CNTNAP2: variants seen among roughly 807,000 people sequenced by gnomAD.
CNTNAP2 encodes the protein contactin-associated protein-like 2.
In CNTNAP2, 98 loss-of-function variants were observed where a neutral mutation model predicts 155.2. That is an observed-to-expected ratio of 0.63 (90% CI 0.54 to 0.75). CNTNAP2 has a LOEUF of 0.75. Ranked by LOEUF, CNTNAP2 falls within the 30% of genes least tolerant of loss-of-function variation. CNTNAP2 has a pLI of 0.00. For synonymous variants in CNTNAP2, 651 were observed against 631.2 expected, an observed-to-expected ratio of 1.03 and a Z score of -0.47; for missense variants, 1,727 against 1,688.1, an observed-to-expected ratio of 1.02 and a Z score of -0.40.
At chr7:147,058,354 A>G (rs1362277957) in intron 4 of CNTNAP2, among the ~76,000 whole-genome samples, 2 of 152,180 alleles carry the variant, frequency 1.3e-5, no homozygotes, top group Non-Finnish European at 2.9e-5. Flanking sequence ...GTATTCTCTA[A>G]TATTCTATTA....
chr7:147,118,995 C>T (rs1418376926), intron 5 of CNTNAP2, among the ~76,000 whole-genome samples: 1 of 151,982 alleles, frequency 6.6e-6, no homozygotes, highest in Non-Finnish European at 1.5e-5. Flanking sequence ...GGGAAAATAG[C>T]CTGAAATTAT....
intron 1 of CNTNAP2, among the ~76,000 whole-genome samples, chr7:146,235,144 T>C (rs1799450736): frequency 6.6e-6 from 1 of 151,860 alleles, no homozygotes; most frequent in Non-Finnish European, 1.5e-5. Flanking sequence ...TCTTAAGATA[T>C]CAGAGATAAA....
At chr7:147,933,730 G>A (rs1264998211) in intron 14 of CNTNAP2, among the ~76,000 whole-genome samples, 4 of 152,132 alleles carry the variant, frequency 2.6e-5, no homozygotes, top group Middle Eastern at 3.2e-3. Flanking sequence ...AGGCATGGTG[G>A]TGGGTGCCTG....
intron 1 of CNTNAP2, among the ~76,000 whole-genome samples, chr7:146,626,503 A>G (rs374407762): frequency 5.1e-4 from 77 of 152,234 alleles, no homozygotes; most frequent in African/African-American, 1.9e-3. Flanking sequence ...TAGAGTTACT[A>G]ATTTTACTTT....
intron 23 of CNTNAP2, among the ~76,000 whole-genome samples, chr7:148,413,442 A>ATATATATATATATG (rs1563079542): frequency 3.7e-4 from 39 of 106,430 alleles, no homozygotes; most frequent in African/African-American, 1.6e-3. Flanking sequence ...ATATATATAT[A>ATATATATATATATG]TATATTGCTC....
At chr7:148,230,256 C>T (rs2116780142) in intron 20 of CNTNAP2, among the ~76,000 whole-genome samples, 1 of 152,298 alleles carries the variant, frequency 6.6e-6, no homozygotes, top group Middle Eastern at 3.4e-3. Context: ...AGTCTTTCCC[C>T]AGAATCTCAG....
At chr7:148,136,706 G>A (rs1379009063) in intron 16 of CNTNAP2, among the ~76,000 whole-genome samples, 1 of 152,038 alleles carries the variant, frequency 6.6e-6, no homozygotes, top group African/African-American at 2.4e-5. Flanking sequence ...CAGGATGGAG[G>A]CTGGAGATGA....
intron 3 of CNTNAP2, among the ~76,000 whole-genome samples, chr7:146,955,232 C>T (rs1187483770): frequency 6.6e-6 from 1 of 151,938 alleles, no homozygotes; most frequent in Non-Finnish European, 1.5e-5. Context: ...GCATTGTTGC[C>T]AAGCATTTGC....
intron 15 of CNTNAP2, among the ~76,000 whole-genome samples, chr7:148,013,370 G>C (rs73168543): frequency 0.025 from 3,839 of 152,230 alleles, 66 homozygotes; most frequent in Middle Eastern, 0.041. Context: ...GGTATTAACT[G>C]TCATTTTATT....
intron 9 of CNTNAP2, among the ~76,000 whole-genome samples, chr7:147,358,502 A>G (rs1796098148): frequency 6.6e-6 from 1 of 152,128 alleles, no homozygotes; most frequent in Non-Finnish European, 1.5e-5. Flanking sequence ...AATAGGTTGC[A>G]GTCATTTTTA....
intron 2 of CNTNAP2, among the ~76,000 whole-genome samples, chr7:146,820,309 ATGTTTTG>A (rs1803252846): frequency 6.6e-6 from 1 of 152,162 alleles, no homozygotes; most frequent in Non-Finnish European, 1.5e-5. Context: ...AGTTAATATT[ATGTTTTG>A]AGGAATTAAT....
At chr7:148,141,958 GGGGAGTA>G (rs1255105005) in intron 16 of CNTNAP2, among the ~76,000 whole-genome samples, 1 of 152,150 alleles carries the variant, frequency 6.6e-6, no homozygotes, top group Non-Finnish European at 1.5e-5. Context: ...AAATAGATAT[GGGGAGTA>G]CAGACATCTC....
chr7:148,263,597 C>G (rs768890868), intron 20 of CNTNAP2, among the ~76,000 whole-genome samples: 1 of 151,822 alleles, frequency 6.6e-6, no homozygotes, highest in East Asian at 1.9e-4. Flanking sequence ...ATTAGCCGGG[C>G]GTGGTGGCGG....
intron 1 of CNTNAP2, among the ~76,000 whole-genome samples, chr7:146,347,642 T>C (rs529702073): frequency 6.6e-6 from 1 of 152,296 alleles, no homozygotes; most frequent in African/African-American, 2.4e-5. Context: ...CTCAGCTCAC[T>C]GCAACCTCCA....
At chr7:146,130,051 G>A (rs926710691) in intron 1 of CNTNAP2, among the ~76,000 whole-genome samples, 6 of 152,194 alleles carry the variant, frequency 3.9e-5, no homozygotes, top group African/African-American at 1.4e-4. Flanking sequence ...GAGATATTTA[G>A]TGGTTTTGGA....
At chr7:147,586,903 A>C (rs1466104427) in intron 12 of CNTNAP2, among the ~76,000 whole-genome samples, 1 of 152,138 alleles carries the variant, frequency 6.6e-6, no homozygotes, top group Non-Finnish European at 1.5e-5. Context: ...ACAGAAGATT[A>C]AGCATTTGTG....
At chr7:146,404,619 A>G (rs1258621855) in intron 1 of CNTNAP2, among the ~76,000 whole-genome samples, 1 of 152,080 alleles carries the variant, frequency 6.6e-6, no homozygotes, top group African/African-American at 2.4e-5. Flanking sequence ...GAGAATAAAA[A>G]CCATTCTGGA....
At chr7:146,282,376 C>A (rs1800265684) in intron 1 of CNTNAP2, among the ~76,000 whole-genome samples, 1 of 152,186 alleles carries the variant, frequency 6.6e-6, no homozygotes, top group Non-Finnish European at 1.5e-5. Context: ...GCATCTGTGA[C>A]CTTGTCTGTC....
In CNTNAP2 at chr7:146,862,357, G is replaced by A. The variant is rs147677538; in HGVS notation, c.402+22453G>A. Among the ~76,000 whole-genome samples the A allele has an allele frequency of 2.8e-3, 432 of 152,136 alleles. 2 individuals carry two copies. Among genetic ancestry groups the A allele is most frequent in the African/African-American group, 9.8e-3 (408 of 41,520 alleles). Reference sequence around the variant, plus strand: ...TGACAACAAAAACGAAAAAAGTGTAGTTTTGGCAACTTTTGGATCATAACA... The same window carrying A: ...TGACAACAAAAACGAAAAAAGTGTAATTTTGGCAACTTTTGGATCATAACA... On this transcript the variant is annotated intron_variant, in intron 3 of 23. Transcript: ENST00000361727.
Sources: allele counts gnomAD v4.1 joint callset (sites outside exome capture counted in the v4.1 genomes callset), GRCh38; gene constraint gnomAD v4.1.1; transcripts MANE v1.5; gene names NCBI Gene and HGNC (gene_info 2026-07-23, HGNC 2026-07-21).